Variants in CPA6 observed in about 807,000 individuals in gnomAD.
CPA6 encodes the protein carboxypeptidase B.
CPA6 carries 58 observed loss-of-function variants against 63.3 expected under a neutral mutation model. That is an observed-to-expected ratio of 0.92 (90% confidence interval 0.74 to 1.14). The LOEUF (loss-of-function observed/expected upper bound fraction) is 1.14. Ranked by LOEUF, CPA6 falls within the 50% of genes most tolerant of loss-of-function variation. The probability of loss-of-function intolerance (pLI) is 0.00; values close to 1 mark genes in which losing one functional copy is unlikely to be tolerated. For missense variants in CPA6, 565 were observed against 526.6 expected (o/e 1.07, Z -0.71); for synonymous variants, 185 against 179.0 (o/e 1.03, Z -0.27).
chr8:67,565,363 G>A (rs987807624), intron 2 of CPA6, among the ~76,000 whole-genome samples: 22 of 152,086 alleles, frequency 1.4e-4, no homozygotes, highest in African/African-American at 4.6e-4. Flanking sequence ...AGCAGCATGC[G>A]ATTAAAAAAC....
intron 1 of CPA6, among the ~76,000 whole-genome samples, chr8:67,695,459 C>G (rs1816896407): frequency 6.6e-6 from 1 of 152,224 alleles, no homozygotes; most frequent in African/African-American, 2.4e-5. Context: ...CCCAAACAGA[C>G]ATTTACTTTG....
At chr8:67,510,357 C>T (rs1376953454) in intron 4 of CPA6, among the ~76,000 whole-genome samples, 1 of 151,818 alleles carries the variant, frequency 6.6e-6, no homozygotes, top group African/African-American at 2.4e-5. Context: ...AGGAAAGTAC[C>T]CATATATTCT....
intron 6 of CPA6, among the ~76,000 whole-genome samples, chr8:67,502,027 A>C (rs1811839158): frequency 6.6e-6 from 1 of 152,222 alleles, no homozygotes; most frequent in Non-Finnish European, 1.5e-5. Context: ...ACATGGGTAG[A>C]ATTATTCCCA....
chr8:67,603,440 G>A (rs981048884), intron 2 of CPA6, among the ~76,000 whole-genome samples: 1 of 151,900 alleles, frequency 6.6e-6, no homozygotes, highest in Admixed American at 6.6e-5. Flanking sequence ...TTCTTTCAGG[G>A]TTATGATTTT....
chr8:67,497,009 T>C (rs1229508558), intron 6 of CPA6, among the ~76,000 whole-genome samples: 1 of 152,208 alleles, frequency 6.6e-6, no homozygotes, highest in Non-Finnish European at 1.5e-5. Flanking sequence ...TGGAATCAGG[T>C]AATACGTAAT....
At position 67,622,797 on chromosome 8, in the gene CPA6, A is replaced by G. The variant is rs1815111407; in HGVS notation, c.192+1379T>C. On this transcript the variant is annotated intron_variant, in intron 2 of 10. Coordinates refer to ENST00000297770, the MANE Select transcript of CPA6 (RefSeq NM_020361.5). ...GTCATGTAGGAAAAAACATTTTTCT[A>G]TTTCATATTAAAGATTAATGAGGCC... 3.3e-5 allele frequency among the ~76,000 whole-genome samples: 5 copies of G among 152,158 alleles called. No individual in the cohort carries two copies. In the South Asian group the frequency reaches 8.3e-4, roughly 25 times the overall value.
At chr8:67,587,114 T>C (rs1008966014) in intron 2 of CPA6, among the ~76,000 whole-genome samples, 1 of 152,252 alleles carries the variant, frequency 6.6e-6, no homozygotes, top group African/African-American at 2.4e-5. Context: ...CTTGAAAGCC[T>C]GTGGCTATAA....
chr8:67,458,735 A>G (rs1810733389), intron 8 of CPA6, among the ~76,000 whole-genome samples: 1 of 152,252 alleles, frequency 6.6e-6, no homozygotes, highest in Non-Finnish European at 1.5e-5. Flanking sequence ...AAAATGGGTT[A>G]AAGACCTTAA....
intron 1 of CPA6, among the ~76,000 whole-genome samples, chr8:67,720,358 C>T (rs1017591131): frequency 6.6e-6 from 1 of 152,128 alleles, no homozygotes; most frequent in South Asian, 2.1e-4. Flanking sequence ...GCCATCTGGG[C>T]GGATATGTGC....
chr8:67,439,496 G>A (rs1433936930), intron 8 of CPA6, among the ~76,000 whole-genome samples: 1 of 151,916 alleles, frequency 6.6e-6, no homozygotes, highest in East Asian at 1.9e-4. Flanking sequence ...GGCTGAGGCA[G>A]GAGAATCACT....
intron 2 of CPA6, among the ~76,000 whole-genome samples, chr8:67,608,966 T>C (rs980395091): frequency 9.8e-5 from 15 of 152,358 alleles, no homozygotes; most frequent in South Asian, 4.1e-4. Context: ...GAGTTACTTA[T>C]AGTCTGCCAT....
In CPA6 at chr8:67,722,988, C is replaced by T. The variant is rs574485294; in HGVS notation, c.116+23026G>A. Among the ~76,000 whole-genome samples, 163 of 151,866 alleles carry T rather than the reference C, an allele frequency of 1.1e-3. 3 individuals are homozygous for T. The highest frequency in any genetic ancestry group is 2.3e-3 in the Non-Finnish European group (153 of 67,956). On this transcript the variant is annotated intron_variant, in intron 1 of 10. Transcript: ENST00000297770. ...AAAACCTAAACATACACTAAAACAT[C>T]CCCTACACTCTAAAAATCAGCACAT...
At chr8:67,574,604 A>G (rs1010751003) in intron 2 of CPA6, among the ~76,000 whole-genome samples, 3 of 152,214 alleles carry the variant, frequency 2.0e-5, no homozygotes, top group African/African-American at 7.2e-5. Flanking sequence ...TGGTCAATGA[A>G]CTTGACAAAG....
At chr8:67,575,271 T>C (rs1813593485) in intron 2 of CPA6, among the ~76,000 whole-genome samples, 1 of 152,224 alleles carries the variant, frequency 6.6e-6, no homozygotes, top group Non-Finnish European at 1.5e-5. Flanking sequence ...AAGGGAATTC[T>C]TGTACACTGT....
chr8:67,450,151 TTA>T (rs1248569371), intron 8 of CPA6, among the ~76,000 whole-genome samples: 1 of 152,140 alleles, frequency 6.6e-6, no homozygotes, highest in African/African-American at 2.4e-5. Flanking sequence ...TTTTGGAGGC[TTA>T]TGTGATATCA....
At chr8:67,667,303 T>A (rs748712337) in intron 1 of CPA6, among the ~76,000 whole-genome samples, 3 of 152,102 alleles carry the variant, frequency 2.0e-5, no homozygotes, top group Non-Finnish European at 4.4e-5. Context: ...GGTCTTTGCC[T>A]CTTAGATCTG....
intron 6 of CPA6, among the ~76,000 whole-genome samples, chr8:67,498,800 T>C (rs1421680107): frequency 6.6e-6 from 1 of 152,154 alleles, no homozygotes; most frequent in Non-Finnish European, 1.5e-5. Context: ...CAACCATTTG[T>C]CTTCTTAATT....
intron 1 of CPA6, among the ~76,000 whole-genome samples, chr8:67,698,133 A>T (rs140198956): frequency 2.5e-4 from 38 of 152,334 alleles, no homozygotes; most frequent in African/African-American, 8.4e-4. Context: ...GCATTATATT[A>T]TATAATTATT....
At chr8:67,723,685 A>G (rs979086088) in intron 1 of CPA6, among the ~76,000 whole-genome samples, 2 of 152,170 alleles carry the variant, frequency 1.3e-5, no homozygotes, top group African/African-American at 4.8e-5. Flanking sequence ...TTTTCTTTGC[A>G]TATTCTCTTC....
Sources: allele counts gnomAD v4.1 joint callset (sites outside exome capture counted in the v4.1 genomes callset), GRCh38; gene constraint gnomAD v4.1.1; transcripts MANE v1.5; gene names NCBI Gene and HGNC (gene_info 2026-07-23, HGNC 2026-07-21).